XYLT1: variants seen among roughly 807,000 people sequenced by gnomAD.
XYLT1 encodes the protein beta-D-xylosyltransferase 1.
XYLT1 carries 36 observed loss-of-function variants against 91.3 expected under a neutral mutation model. The observed-to-expected ratio is 0.39, with a 90% CI of 0.30 to 0.52. The LOEUF is 0.52. Ranked by LOEUF, XYLT1 falls within the 20% of genes least tolerant of loss-of-function variation. XYLT1 has a pLI of 0.68. For missense variants in XYLT1, 1,242 were observed against 1,284.5 expected (o/e 0.97, Z 0.51); for synonymous variants, 588 against 532.0 (o/e 1.11, Z -1.45).
intron 1 of XYLT1, among the ~76,000 whole-genome samples, chr16:17,427,136 C>A (rs1054000812): frequency 6.6e-6 from 1 of 152,182 alleles, no homozygotes; most frequent in Non-Finnish European, 1.5e-5. Context: ...TGAAAGGCAG[C>A]GAAGGTATCT....
At chr16:17,367,026 A>G (rs1405516804) in intron 1 of XYLT1, among the ~76,000 whole-genome samples, 2 of 151,914 alleles carry the variant, frequency 1.3e-5, no homozygotes, top group African/African-American at 4.8e-5. Flanking sequence ...CCTTGCTGCG[A>G]GTCTTCAGGT....
intron 2 of XYLT1, among the ~76,000 whole-genome samples, chr16:17,338,851 C>A (rs534651925): frequency 1.5e-4 from 23 of 152,264 alleles, no homozygotes; most frequent in African/African-American, 5.5e-4. Context: ...TCCCAAAGTG[C>A]TGGGATTATC....
intron 1 of XYLT1, among the ~76,000 whole-genome samples, chr16:17,412,668 C>T (rs1277775133): frequency 6.6e-6 from 1 of 152,096 alleles, no homozygotes; most frequent in East Asian, 1.9e-4. Flanking sequence ...CCAGTGGAAA[C>T]AGGACAGTTT....
chr16:17,325,543 T>C (rs925351594), intron 2 of XYLT1, among the ~76,000 whole-genome samples: 2 of 152,158 alleles, frequency 1.3e-5, no homozygotes, highest in Admixed American at 6.5e-5. Context: ...AAGGTTCCCA[T>C]AAATAGAGGT....
At chr16:17,163,565 G>A (rs182354852) in intron 5 of XYLT1, among the ~76,000 whole-genome samples, 53 of 152,350 alleles carry the variant, frequency 3.5e-4, no homozygotes, top group African/African-American at 1.2e-3. Context: ...ATACTGTCAA[G>A]GACCCTGCCA....
chr16:17,225,243 A>G (rs1399938408), intron 3 of XYLT1, among the ~76,000 whole-genome samples: 1 of 152,008 alleles, frequency 6.6e-6, no homozygotes, highest in Non-Finnish European at 1.5e-5. Context: ...TGAAACGTCA[A>G]CTGTTTCCTG....
Position 17,104,546 on chromosome 16 carries a change from T to C in XYLT1, c.*4149A>G, listed in dbSNP as rs2141471771. 1 of 152,280 alleles carries C rather than the reference T, an allele frequency of 6.6e-6. No individual in the cohort carries two copies. Among genetic ancestry groups the C allele is most frequent in the African/African-American group, 2.4e-5 (1 of 41,526 alleles). The allele number at this position is 152,280 out of a possible 1,614,324, so 9.4% of individuals were successfully genotyped here. ...CTTTTTTCCTCTTCTACCAGGGCAA[T>C]GCATAATCTCACTTTAAACCACCTC... is the stretch of plus-strand genomic sequence containing the variant. On this transcript the variant is annotated 3_prime_UTR_variant, in exon 12 of 12. Coordinates refer to ENST00000261381, the MANE Select transcript of XYLT1 (RefSeq NM_022166.4).
intron 5 of XYLT1, among the ~76,000 whole-genome samples, chr16:17,191,793 G>T (rs1020580770): frequency 6.6e-6 from 1 of 152,194 alleles, no homozygotes; most frequent in African/African-American, 2.4e-5. Context: ...ACAGACATTT[G>T]GATCTGCAGT....
At chr16:17,407,423 G>A (rs1190634378) in intron 1 of XYLT1, among the ~76,000 whole-genome samples, 1 of 152,160 alleles carries the variant, frequency 6.6e-6, no homozygotes, top group South Asian at 2.1e-4. Flanking sequence ...AGTGACATAC[G>A]CTTGGTTAGC....
chr16:17,431,139 A>T (rs1596542069), intron 1 of XYLT1, among the ~76,000 whole-genome samples: 1 of 152,212 alleles, frequency 6.6e-6, no homozygotes, highest in East Asian at 1.9e-4. Flanking sequence ...TGGAATGCTG[A>T]GTAGCCACAA....
At chr16:17,284,249 C>A (rs762289063) in intron 2 of XYLT1, among the ~76,000 whole-genome samples, 4 of 152,184 alleles carry the variant, frequency 2.6e-5, no homozygotes, top group Non-Finnish European at 4.4e-5. Flanking sequence ...TACTGAGGAG[C>A]AGCTACTATT....
chr16:17,194,060 T>C (rs1312184987), intron 5 of XYLT1: 1 of 152,080 alleles, frequency 6.6e-6, no homozygotes, highest in Non-Finnish European at 1.5e-5. Context: ...AACCCCAAAA[T>C]AGGTTGCACG....
At chr16:17,307,002 T>C (rs1357838950) in intron 2 of XYLT1, among the ~76,000 whole-genome samples, 1 of 152,204 alleles carries the variant, frequency 6.6e-6, no homozygotes, top group Non-Finnish European at 1.5e-5. Flanking sequence ...TGGCGGTTAC[T>C]CACTTGTGCT....
At chr16:17,140,643 A>G (rs1195839287) in intron 7 of XYLT1, among the ~76,000 whole-genome samples, 4 of 120,862 alleles carry the variant, frequency 3.3e-5, no homozygotes, top group African/African-American at 1.3e-4. Context: ...CCTGGATGAC[A>G]GAGGAAGACT....
intron 10 of XYLT1, among the ~76,000 whole-genome samples, chr16:17,120,143 C>G (rs11860160): frequency 0.053 from 7,997 of 152,238 alleles, 685 homozygotes; most frequent in African/African-American, 0.18. Flanking sequence ...CCTCCAGTGC[C>G]TAGCATAGTG....
At chr16:17,183,614 T>C (rs769000348) in intron 5 of XYLT1, among the ~76,000 whole-genome samples, 2 of 152,240 alleles carry the variant, frequency 1.3e-5, no homozygotes, top group Non-Finnish European at 2.9e-5. Context: ...TCTGGGATTG[T>C]TGTGAGAATT....
intron 2 of XYLT1, among the ~76,000 whole-genome samples, chr16:17,337,768 A>AATTTTTCTTTTTTTTTTTTTTTTTTTTT (rs1272127217): frequency 9.8e-6 from 1 of 102,552 alleles, no homozygotes. Flanking sequence ...TCTGTTCCAC[A>AATTTTTCTTTTTTTTTTTTTTTTTTTTT]TTTTTTCTTT....
chr16:17,325,081 T>G (rs1351221776), intron 2 of XYLT1, among the ~76,000 whole-genome samples: 1 of 152,094 alleles, frequency 6.6e-6, no homozygotes, highest in Non-Finnish European at 1.5e-5. Flanking sequence ...GCAGCCAATA[T>G]ATATGATGTT....
intron 2 of XYLT1, among the ~76,000 whole-genome samples, chr16:17,272,127 G>A (rs958662084): frequency 5.8e-5 from 8 of 137,684 alleles, no homozygotes; most frequent in African/African-American, 2.2e-4. Context: ...TTGATGGCAT[G>A]TCTTTTAATT....
Sources: allele counts gnomAD v4.1 joint callset (sites outside exome capture counted in the v4.1 genomes callset), GRCh38; gene constraint gnomAD v4.1.1; transcripts MANE v1.5; gene names NCBI Gene and HGNC (gene_info 2026-07-23, HGNC 2026-07-21).